CYBC1: variants seen among roughly 807,000 people sequenced by gnomAD.
CYBC1 encodes cytochrome b-245 chaperone 1.
A neutral mutation model predicts 21.7 loss-of-function variants in CYBC1; 22 were observed. The ratio of observed to expected loss-of-function variants is 1.02; its 90% CI spans 0.73 to 1.45. CYBC1 has a LOEUF of 1.45. CYBC1 is among the 40% of genes most tolerant of loss of function. The pLI is 0.00. For missense variants in CYBC1, 237 were observed against 242.1 expected, an observed-to-expected ratio of 0.98 and a Z score of 0.14; for synonymous variants, 112 against 98.7, an observed-to-expected ratio of 1.13 and a Z score of -0.80.
chr17:82,446,755 C>T (rs2054318092), intron 3 of CYBC1, 59 bp from the exon 4 acceptor site: 2 of 1,537,340 alleles, frequency 1.3e-6, no homozygotes, highest in Non-Finnish European at 1.8e-6. Flanking sequence ...ACGGGAGGCC[C>T]CGCCTAGCAC....
intron 6 of CYBC1, 23 bp from the exon 7 acceptor site, chr17:82,444,147 G>C: frequency 6.2e-7 from 1 of 1,604,000 alleles, no homozygotes; most frequent in South Asian, 1.1e-5. Context: ...GGCAACGGGA[G>C]GAAGGTCAGG....
chr17:82,445,698 G>A lies in CYBC1; in HGVS notation c.298+166C>T, dbSNP rs892498878. The A allele has an allele frequency of 4.2e-5, 24 of 573,248 alleles. 1 individual carries two copies. Among genetic ancestry groups the A allele is most frequent in the East Asian group, 1.2e-4 (4 of 32,722 alleles). 35.5% of individuals were successfully genotyped at this position (573,248 alleles called of 1,614,324 possible). A position where few individuals can be genotyped will look rare whatever the true frequency, so the allele number is the denominator to read the frequency against. On this transcript the variant is annotated intron_variant, in intron 5 of 6. Transcript: ENST00000306645. ...GCAGGTGAGCAGGTGGGGCGTATCC[G>A]TGGGATCCTGCTTCCAGCGGGCAGG...
intron 3 of CYBC1, chr17:82,447,369 GAA>G (rs2054367939): frequency 5.8e-6 from 3 of 521,484 alleles, no homozygotes; most frequent in African/African-American, 4.4e-5. Context: ...AAAAAAAAAA[GAA>G]GTGAAATGTG....
Position 82,447,590 on chromosome 17 carries a change from G to C in CYBC1, c.117C>G (p.Tyr39Ter). 1.2e-6 allele frequency: 2 copies of C among 1,601,356 alleles called. No individual in the cohort carries two copies. The highest frequency in any genetic ancestry group is 1.7e-6 in the Non-Finnish European group (2 of 1,175,980). Residue 39 changes from tyrosine (Y) to a stop codon, truncating the protein, a stop_gained, in exon 3 of 7, where the codon TAC (tyrosine) becomes TAG (stop). Transcript: ENST00000306645. LOFTEE classifies it high-confidence loss of function. ...CGGGGGGTGCTTTACCTCCGCTGTA[G>C]TAGGCAGCAGCCAGGCCAATCGACA... ...GILSIGLAAA[Y>*]YSGDSLGWKL...
chr17:82,447,352 CAA>C (rs59578640), intron 3 of CYBC1: 8,677 of 451,554 alleles, frequency 0.019, no homozygotes, highest in Middle Eastern at 0.028. Flanking sequence ...GACTCCGTCT[CAA>C]AAAAAAAAAA....
Position 82,442,710 on chromosome 17 carries a change from TGAG to T in CYBC1, c.*1291_*1293del, listed in dbSNP as rs2054038269. 19 of 996,828 alleles carry T rather than the reference TGAG, an allele frequency of 1.9e-5. No homozygotes were observed. Among genetic ancestry groups the T allele is most frequent in the South Asian group, 3.3e-5 (2 of 60,290 alleles). 61.7% of individuals were successfully genotyped at this position (996,828 alleles called of 1,614,324 possible). ...GCAACGAGGGACTGGCAGCCACTAC[TGAG>T]GAGGAGGGTCCCATCTCTCTCCTGT... On this transcript the variant is annotated 3_prime_UTR_variant, in exon 7 of 7. Coordinates refer to ENST00000306645, the MANE Select transcript of CYBC1 (RefSeq NM_001033046.4). This position sits in a 1 kb window ranked among gnomAD's most constrained non-coding sequence, Gnocchi z 6.8.
At chr17:82,445,991 A>T in intron 4 of CYBC1, 31 bp from the exon 5 acceptor site, 2 of 1,598,272 alleles carry the variant, frequency 1.3e-6, no homozygotes, top group South Asian at 1.1e-5. Flanking sequence ...ACCACCATGA[A>T]CCTCCAGGAA....
In CYBC1 at chr17:82,443,787, C is replaced by T. The variant is rs1430536254; in HGVS notation, c.*217G>A. 1 of 886,962 alleles carries T rather than the reference C, an allele frequency of 1.1e-6. No individual in the cohort carries two copies. Among genetic ancestry groups the T allele is most frequent in the African/African-American group, 1.6e-5 (1 of 61,758 alleles). 54.9% of individuals were successfully genotyped at this position (886,962 alleles called of 1,614,324 possible). On this transcript the variant is annotated 3_prime_UTR_variant, in exon 7 of 7. Transcript: ENST00000306645. This position sits in a 1 kb window ranked among gnomAD's most constrained non-coding sequence, Gnocchi z 6.7. ...AAGGCCACGGGTCCTGTGGGCGGTG[C>T]ACGGGCTCAGGCACACCGGGAATGT... is the stretch of plus-strand genomic sequence containing the variant.
intron 1 of CYBC1, 180 bp from the exon 2 acceptor site, chr17:82,449,472 C>A (rs962904444): frequency 2.3e-6 from 1 of 436,448 alleles, no homozygotes; most frequent in Non-Finnish European, 4.0e-6. Flanking sequence ...CCCCCAGAGA[C>A]CCCGTTTCCT....
intron 5 of CYBC1, chr17:82,445,267 A>T (rs2054211794): frequency 6.5e-6 from 1 of 154,908 alleles, no homozygotes; most frequent in Non-Finnish European, 1.4e-5. Flanking sequence ...ATCTACAGGA[A>T]ACTGGTACTG....
rs377558205 is a variant in CYBC1 at position 82,444,407 on chromosome 17, C to T, written c.443+40G>A. The T allele has an allele frequency of 7.6e-4, 1,195 of 1,570,226 alleles. 1 individual carries two copies. Among genetic ancestry groups the T allele is most frequent in the Non-Finnish European group, 9.5e-4 (1,094 of 1,152,626 alleles). On this transcript the variant is annotated intron_variant, in intron 6 of 6. Transcript: ENST00000306645. ...AGTCAGGAACGGGAGTGACCTGCTA[C>T]GGCTGCAGCTCCGGCCAGATCAAAG...
intron 6 of CYBC1, 111 bp downstream of exon 6, chr17:82,444,336 C>T (rs1389684555): frequency 6.0e-6 from 9 of 1,490,002 alleles, no homozygotes; most frequent in Non-Finnish European, 8.1e-6. Flanking sequence ...CTCTGTGTCC[C>T]GTCCACAAAC....
chr17:82,445,842 C>A, intron 5 of CYBC1, 22 bp downstream of exon 5: 1 of 1,581,872 alleles, frequency 6.3e-7, no homozygotes, highest in South Asian at 1.1e-5. Flanking sequence ...TGTCCCATGT[C>A]CCCACGCTCC....
In CYBC1 at chr17:82,443,811, G is replaced by A; in HGVS notation, c.*193C>T. ...GCACGGGCTCAGGCACACCGGGAAT[G>A]TGCCACGGGTCCTGTGGGCGGTGCA... On this transcript the variant is annotated 3_prime_UTR_variant, in exon 7 of 7. Coordinates refer to ENST00000306645, the MANE Select transcript of CYBC1 (RefSeq NM_001033046.4). This position sits in a 1 kb window ranked among gnomAD's most constrained non-coding sequence, Gnocchi z 6.7. The A allele has an allele frequency of 1.3e-6, 1 of 770,946 alleles. No homozygotes were observed. Among genetic ancestry groups the A allele is most frequent in the Non-Finnish European group, 2.3e-6 (1 of 425,770 alleles). 47.8% of individuals were successfully genotyped at this position (770,946 alleles called of 1,614,324 possible).
intron 4 of CYBC1, 34 bp from the exon 5 acceptor site, chr17:82,445,994 T>G (rs1303355099): frequency 2.5e-6 from 4 of 1,595,082 alleles, no homozygotes; most frequent in Non-Finnish European, 3.4e-6. Context: ...ACCATGAACC[T>G]CCAGGAACGG....
intron 6 of CYBC1, 103 bp from the exon 7 acceptor site, chr17:82,444,227 C>G: frequency 1.3e-6 from 2 of 1,510,896 alleles, no homozygotes; most frequent in Non-Finnish European, 1.8e-6. Flanking sequence ...CCCGCAGACC[C>G]TGGAGCTCCC....
intron 5 of CYBC1, chr17:82,445,590 C>G (rs984051778): frequency 4.4e-5 from 16 of 359,728 alleles, no homozygotes; most frequent in Non-Finnish European, 7.6e-5. Context: ...CTGCCAGACC[C>G]CTGCTCCTCA....
chr17:82,442,594 C>T lies in CYBC1; in HGVS notation c.*1410G>A. 1.9e-6 allele frequency: 3 copies of T among 1,567,428 alleles called. No individual in the cohort carries two copies. The highest frequency in any genetic ancestry group is 2.6e-6 in the Non-Finnish European group (3 of 1,148,530). ...AGCACAGGGAGACCCGCTTTGTGAT[C>T]TGCATGTGTGACACTGATTCTTTGG... is the stretch of plus-strand genomic sequence containing the variant. On this transcript the variant is annotated 3_prime_UTR_variant, in exon 7 of 7. Transcript: ENST00000306645. The surrounding 1 kb of genome is among the most constrained non-coding windows in gnomAD (Gnocchi z 6.8).
intron 4 of CYBC1, among the ~76,000 whole-genome samples, chr17:82,446,341 G>A (rs759834132): frequency 3.3e-5 from 5 of 152,218 alleles, no homozygotes; most frequent in Non-Finnish European, 5.9e-5. Context: ...AAGCTGACTC[G>A]CATCCCATTG....
Sources: allele counts gnomAD v4.1 joint callset (sites outside exome capture counted in the v4.1 genomes callset), GRCh38; gene constraint gnomAD v4.1.1; non-coding constraint Gnocchi (gnomAD v3.1); transcripts MANE v1.5; gene names NCBI Gene and HGNC (gene_info 2026-07-23, HGNC 2026-07-21).